Variants in ENTPD1 observed in about 807,000 individuals in gnomAD.
ENTPD1 encodes ectonucleoside triphosphate diphosphohydrolase 1, also known as ATP diphosphohydrolase.
ENTPD1 carries 33 observed loss-of-function variants against 57.0 expected under a neutral mutation model. The ratio of observed to expected loss-of-function variants is 0.58; its 90% confidence interval spans 0.44 to 0.77. The LOEUF (loss-of-function observed/expected upper bound fraction) is 0.77. ENTPD1 is among the 30% of genes least tolerant of loss of function. The pLI is 0.00. For synonymous variants in ENTPD1, 202 were observed against 218.8 expected (o/e 0.92, Z 0.68); for missense variants, 501 against 603.4 (o/e 0.83, Z 1.78).
chr10:95,734,865 C>T (rs1419923017), intron 1 of ENTPD1, among the ~76,000 whole-genome samples: 1 of 152,168 alleles, frequency 6.6e-6, no homozygotes, highest in Non-Finnish European at 1.5e-5. Flanking sequence ...TTTAGTTCTC[C>T]ATCTCACAGA....
chr10:95,845,550 A>G lies in ENTPD1; in HGVS notation c.767A>G (p.Tyr256Cys), dbSNP rs776280358. The G allele has an allele frequency of 6.2e-7, 1 of 1,614,222 alleles. No homozygotes were observed. Among genetic ancestry groups the G allele is most frequent in the Admixed American group, 1.7e-5 (1 of 60,026 alleles). Residue 256 changes from tyrosine (Y) to cysteine (C), a missense_variant, in exon 6 of 10, where the codon TAT becomes TGT. By Grantham distance (194) the Tyr-to-Cys change is radical (BLOSUM62 -2). Transcript: ENST00000371205. ...GTCTACACACATAGCTTCTTGTGCT[A>G]TGGGAAGGATCAGGCACTCTGGCAG... ...YNVYTHSFLC[Y>C]GKDQALWQKL...
At chr10:95,764,034 G>T (rs535477758) in intron 1 of ENTPD1, among the ~76,000 whole-genome samples, 24 of 152,300 alleles carry the variant, frequency 1.6e-4, no homozygotes, top group Non-Finnish European at 2.6e-4. Flanking sequence ...CCAACTTAAA[G>T]TCGACAATTC....
Position 95,866,867 on chromosome 10 carries a change from T to C in ENTPD1, c.*484T>C. 2.9e-6 allele frequency: 3 copies of C among 1,033,674 alleles called. No homozygotes were observed. The highest frequency in any genetic ancestry group is 3.5e-6 in the Non-Finnish European group (3 of 858,564). 64.0% of individuals were successfully genotyped at this position (1,033,674 alleles called of 1,614,324 possible). A position where few individuals can be genotyped will look rare whatever the true frequency, so the allele number is the denominator to read the frequency against. On this transcript the variant is annotated 3_prime_UTR_variant, in exon 10 of 10. Transcript: ENST00000371205. ...TGCCTTTGGAGAAGGCAGACACACA[T>C]TCCATTCCCAGCCTGCTCTGTGGGT...
At position 95,877,154 on chromosome 10, in the gene ENTPD1, T is replaced by G. The variant is rs1416722388; in HGVS notation, c.*10771T>G. Among the ~76,000 whole-genome samples the G allele has an allele frequency of 6.6e-6, 1 of 152,222 alleles. No homozygotes were observed. Among genetic ancestry groups the G allele is most frequent in the Non-Finnish European group, 1.5e-5 (1 of 68,026 alleles). On this transcript the variant is annotated 3_prime_UTR_variant, in exon 10 of 10. Coordinates refer to ENST00000371205, the MANE Select transcript of ENTPD1 (RefSeq NM_001776.6). ...TATCTTATAGAGTCTCCTAGAATAT[T>G]TCATTGGCATTGAGAAGGTGGAAAA...
Position 95,797,728 on chromosome 10 carries a change from C to T in ENTPD1, c.17-25509C>T, listed in dbSNP as rs74538906. ...TGTGTGAACTAACAGAACGAGAACT[C>T]GCTCATTACTATGGAGAGGACACCA... On this transcript the variant is annotated intron_variant, in intron 1 of 9. Coordinates refer to ENST00000371205, the MANE Select transcript of ENTPD1 (RefSeq NM_001776.6). Among the ~76,000 whole-genome samples, 523 of 152,274 alleles carry T rather than the reference C, an allele frequency of 3.4e-3. 2 individuals are homozygous for T. The highest frequency in any genetic ancestry group is 0.012 in the African/African-American group (478 of 41,546).
intron 7 of ENTPD1, among the ~76,000 whole-genome samples, chr10:95,855,300 C>T (rs1479980094): frequency 6.6e-6 from 1 of 151,850 alleles, no homozygotes; most frequent in African/African-American, 2.4e-5. Flanking sequence ...ATAGATCTTC[C>T]TCCATCCCTT....
intron 2 of ENTPD1, 47 bp from the exon 3 acceptor site, chr10:95,839,644 G>A (rs1217403308): frequency 3.8e-6 from 6 of 1,580,186 alleles, no homozygotes; most frequent in South Asian, 1.1e-5. Flanking sequence ...CTAATATGGA[G>A]ATGAGTGATG....
chr10:95,826,732 A>G (rs2098378535), intron 2 of ENTPD1, among the ~76,000 whole-genome samples: 2 of 152,186 alleles, frequency 1.3e-5, no homozygotes, highest in African/African-American at 4.8e-5. Context: ...CCTGCAAGAC[A>G]GGTTGAGGAT....
At chr10:95,764,147 C>T (rs1250780229) in intron 1 of ENTPD1, among the ~76,000 whole-genome samples, 1 of 152,144 alleles carries the variant, frequency 6.6e-6, no homozygotes, top group Non-Finnish European at 1.5e-5. Context: ...ATGGGCACTC[C>T]CCATTTCCTC....
intron 7 of ENTPD1, among the ~76,000 whole-genome samples, chr10:95,856,188 C>T (rs914301407): frequency 6.6e-6 from 1 of 151,984 alleles, no homozygotes; most frequent in Non-Finnish European, 1.5e-5. Context: ...TCATTCATTT[C>T]GCTAGACCAT....
intron 1 of ENTPD1, among the ~76,000 whole-genome samples, chr10:95,821,050 G>A (rs954727214): frequency 1.3e-5 from 2 of 152,180 alleles, no homozygotes; most frequent in Admixed American, 1.3e-4. Context: ...TTTGTTTGTT[G>A]TTATATTTAT....
intron 1 of ENTPD1, among the ~76,000 whole-genome samples, chr10:95,776,053 C>T (rs948041193): frequency 6.6e-5 from 10 of 152,144 alleles, no homozygotes; most frequent in African/African-American, 2.4e-4. Context: ...TGAGATGGGT[C>T]TCCTGAATAC....
In ENTPD1 at chr10:95,875,428, A is replaced by G. The variant is rs2098484719; in HGVS notation, c.*9045A>G. On this transcript the variant is annotated 3_prime_UTR_variant, in exon 10 of 10. Coordinates refer to ENST00000371205, the MANE Select transcript of ENTPD1 (RefSeq NM_001776.6). ...AACAAGGTCTTCATCTCCATCTGAGACCACCTCAGCCTGGACCTTATTGTT... is the reference window on the plus strand; with the variant it reads ...AACAAGGTCTTCATCTCCATCTGAGGCCACCTCAGCCTGGACCTTATTGTT... 6.6e-6 allele frequency: 1 copy of G among 152,342 alleles called. No homozygotes were observed. 9.4% of individuals were successfully genotyped at this position (152,342 alleles called of 1,614,324 possible).
At chr10:95,696,242 T>G in the ENTPD1 span, among the ~76,000 whole-genome samples, 1 of 152,324 alleles carries the variant, frequency 6.6e-6, no homozygotes, top group East Asian at 1.9e-4. Context: ...TTATTTGTAT[T>G]GCTGTTTTTT....
chr10:95,849,029 G>T (rs1329226603), intron 7 of ENTPD1, among the ~76,000 whole-genome samples: 2 of 152,152 alleles, frequency 1.3e-5, no homozygotes, highest in East Asian at 3.9e-4. Context: ...CCTCTATAAA[G>T]ACATTTAGGA....
At chr10:95,799,770 C>G (rs11188488) in intron 1 of ENTPD1, among the ~76,000 whole-genome samples, 11,588 of 152,164 alleles carry the variant, frequency 0.076, 918 homozygotes, top group African/African-American at 0.18. Context: ...TATAAGCGTT[C>G]TTTTTTCTCC....
chr10:95,791,393 G>C lies in ENTPD1; in HGVS notation c.17-31844G>C, dbSNP rs368132239. ...GGAGCTATTTAGCCTGGAGAATAGG[G>C]GACTTGAGGATGGGGTTTATATACT... On this transcript the variant is annotated intron_variant, in intron 1 of 9. Transcript: ENST00000371205. This position sits in a 1 kb window ranked among gnomAD's most constrained non-coding sequence, Gnocchi z 4.1. 6.6e-6 allele frequency among the ~76,000 whole-genome samples: 1 copy of C among 152,112 alleles called. No homozygotes were observed. The highest frequency in any genetic ancestry group is 1.9e-4 in the East Asian group (1 of 5,200).
intron 1 of ENTPD1, among the ~76,000 whole-genome samples, chr10:95,739,438 A>G: frequency 6.6e-6 from 1 of 152,242 alleles, no homozygotes; most frequent in East Asian, 1.9e-4. Flanking sequence ...TGTCATTTCA[A>G]CGATGTTCAC....
chr10:95,773,151 C>T (rs2098121257), intron 1 of ENTPD1, among the ~76,000 whole-genome samples: 1 of 152,060 alleles, frequency 6.6e-6, no homozygotes, highest in South Asian at 2.1e-4. Flanking sequence ...TCACTCACCC[C>T]CAAAGAAGGT....
Sources: gnomAD v4.1 joint callset for allele counts (sites outside exome capture counted in the v4.1 genomes callset) on GRCh38, gnomAD v4.1.1 for gene constraint, Gnocchi (gnomAD v3.1) non-coding constraint, MANE v1.5 for transcripts, NCBI Gene and HGNC (gene_info 2026-07-23, HGNC 2026-07-21) for gene names.